The following HERC2 variants were observed in gnomAD, a reference collection of about 807,000 sequenced individuals.
HERC2 encodes the protein E3 ubiquitin-protein ligase HERC2.
In HERC2, 102 loss-of-function variants were observed where a neutral mutation model predicts 537.7. The ratio of observed to expected loss-of-function variants is 0.19; its 90% CI spans 0.16 to 0.22. The LOEUF (loss-of-function observed/expected upper bound fraction) is 0.22. Ranked by LOEUF, HERC2 falls within the 10% of genes least tolerant of loss-of-function variation. The pLI, the probability that HERC2 is intolerant of heterozygous loss-of-function variation, is 1.00. For missense variants in HERC2, 4,236 were observed against 6,198.2 expected, an observed-to-expected ratio of 0.68 and a Z score of 10.63; for synonymous variants, 2,224 against 2,466.2, an observed-to-expected ratio of 0.90 and a Z score of 2.91.
Position 28,202,492 on chromosome 15 carries a change from A to G in HERC2, c.7335T>C (p.Pro2445=), listed in dbSNP as rs1368180676. 7.1e-7 allele frequency: 1 copy of G among 1,405,092 alleles called. No homozygotes were observed. The highest frequency in any genetic ancestry group is 9.9e-7 in the Non-Finnish European group (1 of 1,010,962). The allele number at this position is 1,405,092 out of a possible 1,614,324, so 87.0% of individuals were successfully genotyped here. The change falls in exon 46 of 93, where the codon CCT becomes CCC. Residue 2445 remains proline (P), a synonymous_variant. Coordinates refer to ENST00000261609, the MANE Select transcript of HERC2 (RefSeq NM_004667.6). ...TTPVAVQHIR[P]ARVKRRKQSP... is the part of the protein sequence containing the mutation. ...ACTGCTTGCGCCTCTTCACTCTGGC[A>G]GGGCGGATGTGCTGCACGGCGACAG...
intron 4 of HERC2, among the ~76,000 whole-genome samples, chr15:28,281,952 C>A (rs1465740902): frequency 6.6e-6 from 1 of 152,152 alleles, no homozygotes; most frequent in African/African-American, 2.4e-5. Context: ...GGCAGCTCTG[C>A]CCTTGAGCAC....
chr15:28,194,595 CA>C (rs542004369), intron 52 of HERC2, among the ~76,000 whole-genome samples: 35 of 150,482 alleles, frequency 2.3e-4, no homozygotes, highest in South Asian at 6.4e-4. Context: ...CAAAACAAAA[CA>C]AAAAAACAGG....
intron 38 of HERC2, among the ~76,000 whole-genome samples, chr15:28,217,398 C>G (rs1330787769): frequency 6.6e-6 from 1 of 152,212 alleles, no homozygotes; most frequent in Non-Finnish European, 1.5e-5. Context: ...CGCTCAGCCA[C>G]TTGCCCATCG....
chr15:28,152,564 T>C, intron 70 of HERC2, 113 bp downstream of exon 70: 1 of 981,240 alleles, frequency 1.0e-6, no homozygotes, highest in Non-Finnish European at 1.5e-6. Context: ...AAAGCAATTC[T>C]GTAACTTCTT....
intron 56 of HERC2, among the ~76,000 whole-genome samples, chr15:28,184,153 T>G (rs1896079097): frequency 6.6e-6 from 1 of 152,168 alleles, no homozygotes; most frequent in Admixed American, 6.5e-5. Context: ...ATCATACCAT[T>G]GCGATCCAGC....
rs1901456335 is a variant in HERC2 at position 28,228,323 on chromosome 15, G to A, written c.5359C>T (p.Leu1787=). 2 of 1,612,492 alleles carry A rather than the reference G, an allele frequency of 1.2e-6. No homozygotes were observed. The highest frequency in any genetic ancestry group is 1.7e-6 in the Non-Finnish European group (2 of 1,179,862). ...AGGGTGAGCATGCTGAGCATCACCA[G>A]GAGGAAGCGGGCTTGCGGGATGGTC... The part of the protein sequence containing the change: ...LGTIPQARFL[L]VMLSMLTLQH... The change falls in exon 35 of 93, where the codon CTG becomes TTG. Residue 1787 remains leucine, a synonymous_variant. Coordinates refer to ENST00000261609, the MANE Select transcript of HERC2 (RefSeq NM_004667.6).
intron 39 of HERC2, among the ~76,000 whole-genome samples, 177 bp from the exon 40 acceptor site, chr15:28,214,979 T>C (rs959017650): frequency 5.3e-5 from 8 of 152,180 alleles, no homozygotes; most frequent in Non-Finnish European, 1.0e-4. Flanking sequence ...GTTCAAACGA[T>C]TCTCCTTGCT....
At chr15:28,171,001 T>C (rs1894639438) in intron 65 of HERC2, among the ~76,000 whole-genome samples, 1 of 152,336 alleles carries the variant, frequency 6.6e-6, no homozygotes, top group African/African-American at 2.4e-5. Context: ...TGGGAAAAAC[T>C]GGATCATCCT....
chr15:28,175,439 G>C, intron 64 of HERC2, 73 bp downstream of exon 64: 1 of 1,395,616 alleles, frequency 7.2e-7, no homozygotes, highest in East Asian at 2.4e-5. Context: ...TCAACAGGAC[G>C]AAGGCCGTGT....
intron 83 of HERC2, among the ~76,000 whole-genome samples, chr15:28,127,618 T>G (rs1037650306): frequency 6.6e-6 from 1 of 152,196 alleles, no homozygotes; most frequent in African/African-American, 2.4e-5. Flanking sequence ...AGACCTTGTC[T>G]TCTCAAGGCC....
intron 20 of HERC2, 40 bp from the exon 21 acceptor site, chr15:28,248,776 A>G: frequency 2.0e-6 from 3 of 1,517,816 alleles, no homozygotes; most frequent in Non-Finnish European, 2.7e-6. Context: ...TAAACAAGAT[A>G]TTTCTACTAA....
intron 23 of HERC2, among the ~76,000 whole-genome samples, chr15:28,241,240 A>C (rs2140741191): frequency 6.6e-6 from 1 of 152,304 alleles, no homozygotes; most frequent in African/African-American, 2.4e-5. Context: ...TCTCCAAAAA[A>C]GGTATGCAAA....
At chr15:28,185,121 A>T in intron 56 of HERC2, among the ~76,000 whole-genome samples, 1 of 151,500 alleles carries the variant, frequency 6.6e-6, no homozygotes, top group Non-Finnish European at 1.5e-5. Context: ...TTTTCTTTTC[A>T]ACTTCTACAC....
chr15:28,133,508 A>G (rs558392345), intron 79 of HERC2, among the ~76,000 whole-genome samples: 2 of 152,348 alleles, frequency 1.3e-5, no homozygotes, highest in East Asian at 3.9e-4. Flanking sequence ...CAATCTAAAA[A>G]TCTTTTCTGA....
intron 2 of HERC2, among the ~76,000 whole-genome samples, chr15:28,303,505 T>C (rs1412726449): frequency 6.6e-6 from 1 of 152,346 alleles, no homozygotes; most frequent in East Asian, 1.9e-4. Context: ...TTTTGTTTTT[T>C]GCTCAGGATG....
At chr15:28,156,660 A>G (rs1234440135) in intron 69 of HERC2, among the ~76,000 whole-genome samples, 1 of 152,170 alleles carries the variant, frequency 6.6e-6, no homozygotes, top group Non-Finnish European at 1.5e-5. Flanking sequence ...GGCTGAGACG[A>G]TGGGGTTTTC....
chr15:28,210,039 T>G (rs13380156), intron 44 of HERC2, among the ~76,000 whole-genome samples: 2,711 of 131,230 alleles, frequency 0.021, 75 homozygotes, highest in African/African-American at 0.07. Flanking sequence ...CCGCACACAC[T>G]GCAACCTCCG....
At chr15:28,286,114 C>T (rs9672907) in intron 4 of HERC2, among the ~76,000 whole-genome samples, 12,171 of 151,866 alleles carry the variant, frequency 0.08, 1,662 homozygotes, top group African/African-American at 0.28. Context: ...AGAATTAACA[C>T]GGACTCAAAA....
intron 4 of HERC2, among the ~76,000 whole-genome samples, chr15:28,292,457 T>C (rs1217994189): frequency 2.0e-5 from 3 of 152,074 alleles, no homozygotes; most frequent in Non-Finnish European, 4.4e-5. Context: ...GGAACCTTAG[T>C]ATACCGCTGC....
Sources: gnomAD v4.1 joint callset for allele counts (sites outside exome capture counted in the v4.1 genomes callset) on GRCh38, gnomAD v4.1.1 for gene constraint, MANE v1.5 for transcripts, NCBI Gene and HGNC (gene_info 2026-07-23, HGNC 2026-07-21) for gene names.